ADAMTS17: variants seen among roughly 807,000 people sequenced by gnomAD.
The protein encoded by ADAMTS17 is ADAM metallopeptidase with thrombospondin type 1 motif 17.
Under a neutral mutation model 141.5 loss-of-function variants are expected in ADAMTS17, and 113 were observed. The observed-to-expected ratio is 0.80, with a 90% CI of 0.69 to 0.93. The LOEUF (loss-of-function observed/expected upper bound fraction) is 0.93, where lower values mean the gene tolerates loss of function less well. ADAMTS17 is among the 40% of genes least tolerant of loss of function. The pLI, the probability that ADAMTS17 is intolerant of heterozygous loss-of-function variation, is 0.00. For synonymous variants in ADAMTS17, 768 were observed against 630.6 expected, an observed-to-expected ratio of 1.22 and a Z score of -3.27; for missense variants, 1,659 against 1,517.9, an observed-to-expected ratio of 1.09 and a Z score of -1.54.
At chr15:100,299,513 G>GAA (rs879384077) in intron 3 of ADAMTS17, among the ~76,000 whole-genome samples, 2 of 87,604 alleles carry the variant, frequency 2.3e-5, no homozygotes, top group Non-Finnish European at 4.5e-5. Context: ...TGATGGAAAA[G>GAA]AAAAAAAAAA....
At chr15:100,116,769 C>T in intron 13 of ADAMTS17, 78 bp downstream of exon 13, 7 of 1,599,254 alleles carry the variant, frequency 4.4e-6, no homozygotes, top group Non-Finnish European at 6.0e-6. Flanking sequence ...GGGATGCCCC[C>T]CGGCTTCCCT....
At chr15:100,115,675 A>G (rs1366783972) in intron 13 of ADAMTS17, among the ~76,000 whole-genome samples, 1 of 152,204 alleles carries the variant, frequency 6.6e-6, no homozygotes, top group Non-Finnish European at 1.5e-5. Context: ...GCGACAGCAG[A>G]AGGCCAAATG....
intron 9 of ADAMTS17, 110 bp downstream of exon 9, chr15:100,155,070 T>TC: frequency 6.5e-7 from 1 of 1,548,778 alleles, no homozygotes; most frequent in Non-Finnish European, 8.9e-7. Context: ...TAGATGCAAA[T>TC]CCCAAAAGAG....
At chr15:100,106,449 G>C (rs550341307) in intron 14 of ADAMTS17, among the ~76,000 whole-genome samples, 2 of 152,274 alleles carry the variant, frequency 1.3e-5, no homozygotes, top group South Asian at 2.1e-4. Context: ...TTTTCTCTTT[G>C]ATTCTACGAC....
Position 100,116,771 on chromosome 15 carries a change from G to A in ADAMTS17, c.1888+76C>T, listed in dbSNP as rs1199077271. On this transcript the variant is annotated intron_variant, in intron 13 of 21. Coordinates refer to ENST00000268070, the MANE Select transcript of ADAMTS17 (RefSeq NM_139057.4). The stretch of plus-strand genomic sequence containing the variant: ...TTGGTTTGGGAAAGGGATGCCCCCC[G>A]GCTTCCCTAGGTGGTTTTTATATTC... 1.4e-5 allele frequency: 22 copies of A among 1,604,640 alleles called. 1 individual carries two copies. Among genetic ancestry groups the A allele is most frequent in the South Asian group, 1.2e-4 (11 of 90,464 alleles).
At chr15:100,204,487 A>G (rs541949739) in intron 7 of ADAMTS17, among the ~76,000 whole-genome samples, 3 of 152,344 alleles carry the variant, frequency 2.0e-5, no homozygotes, top group African/African-American at 7.2e-5. Flanking sequence ...TGTTCTTGCA[A>G]ACCTAAGTGG....
Position 100,281,375 on chromosome 15 carries a change from G to T in ADAMTS17, c.643C>A (p.Pro215Thr), listed in dbSNP as rs776618280. 14 of 1,612,470 alleles carry T rather than the reference G, an allele frequency of 8.7e-6. No homozygotes were observed. Among genetic ancestry groups the T allele is most frequent in the Admixed American group, 5.0e-5 (3 of 59,996 alleles). ...TEKKKPTWGR[P>T]SRDWRERRNA... is the part of the protein sequence containing the mutation. Reference sequence around the variant, plus strand: ...CTCCGCTCCCGCCAGTCCCGCGAAGGCCTGCCCCACGTCGGCTTCTTCTTT... The same window carrying T: ...CTCCGCTCCCGCCAGTCCCGCGAAGTCCTGCCCCACGTCGGCTTCTTCTTT... The change falls in exon 4 of 22, where the codon CCT becomes ACT. Residue 215 changes from proline (P) to threonine (T), a missense_variant. Transcript: ENST00000268070.
chr15:100,012,591 T>C (rs1001789235), intron 18 of ADAMTS17, among the ~76,000 whole-genome samples: 1 of 152,206 alleles, frequency 6.6e-6, no homozygotes, highest in Non-Finnish European at 1.5e-5. Context: ...CCAGTTTCAT[T>C]CTCCTACATG....
At chr15:100,205,472 G>A (rs2041504917) in intron 7 of ADAMTS17, among the ~76,000 whole-genome samples, 1 of 152,160 alleles carries the variant, frequency 6.6e-6, no homozygotes, top group Non-Finnish European at 1.5e-5. Context: ...TTACCCACCT[G>A]CCAGAGAAGA....
intron 7 of ADAMTS17, among the ~76,000 whole-genome samples, chr15:100,251,842 G>C (rs184219708): frequency 6.6e-6 from 1 of 152,178 alleles, no homozygotes; most frequent in Non-Finnish European, 1.5e-5. Context: ...AGGCAGGTGC[G>C]CACACAGAGG....
chr15:100,239,540 G>A (rs1175111326), intron 7 of ADAMTS17, among the ~76,000 whole-genome samples: 1 of 152,194 alleles, frequency 6.6e-6, no homozygotes, highest in Non-Finnish European at 1.5e-5. Flanking sequence ...CGGGGCAGCA[G>A]CAAGAAGAGG....
chr15:100,336,371 C>T (rs754072720), intron 2 of ADAMTS17, among the ~76,000 whole-genome samples: 1 of 152,172 alleles, frequency 6.6e-6, no homozygotes, highest in Non-Finnish European at 1.5e-5. Context: ...GAGGTGGCAG[C>T]CAGAGGCCTT....
intron 15 of ADAMTS17, among the ~76,000 whole-genome samples, chr15:100,056,994 G>A (rs952675700): frequency 1.1e-4 from 17 of 152,116 alleles, no homozygotes; most frequent in Admixed American, 8.5e-4. Context: ...TCAGCTGAGC[G>A]TGTAAGACAG....
intron 6 of ADAMTS17, among the ~76,000 whole-genome samples, chr15:100,261,180 C>T (rs540501632): frequency 3.0e-4 from 45 of 152,276 alleles, no homozygotes; most frequent in African/African-American, 1.1e-3. Flanking sequence ...GAGCCCAAAT[C>T]CCATGACTGT....
At position 99,987,012 on chromosome 15, in the gene ADAMTS17, AG is replaced by A. The variant is rs1596160809; in HGVS notation, c.2949+6035del. Among the ~76,000 whole-genome samples, 5 of 152,274 alleles carry A rather than the reference AG, an allele frequency of 3.3e-5. No homozygotes were observed. The East Asian group carries it at 9.7e-4, about 29-fold the overall frequency. On this transcript the variant is annotated intron_variant, in intron 20 of 21. Coordinates refer to ENST00000268070, the MANE Select transcript of ADAMTS17 (RefSeq NM_139057.4). ...TTGGCTGCTGGCCAAGGTCAGGATGAGGGCTAGGGGCAGGGAGAGAGGGGCT... is the reference window on the plus strand; with the variant it reads ...TTGGCTGCTGGCCAAGGTCAGGATGAGGCTAGGGGCAGGGAGAGAGGGGCT...
intron 4 of ADAMTS17, among the ~76,000 whole-genome samples, chr15:100,268,251 T>C (rs2043789209): frequency 6.6e-6 from 1 of 152,206 alleles, no homozygotes; most frequent in Non-Finnish European, 1.5e-5. Flanking sequence ...AACGGTGCTG[T>C]AATGAACATA....
intron 7 of ADAMTS17, among the ~76,000 whole-genome samples, chr15:100,217,398 G>C (rs2042001748): frequency 6.6e-6 from 1 of 152,296 alleles, no homozygotes; most frequent in South Asian, 2.1e-4. Flanking sequence ...AGGAGTTCAA[G>C]ACCAGCCTGG....
intron 18 of ADAMTS17, among the ~76,000 whole-genome samples, chr15:100,042,852 A>T (rs1056231598): frequency 1.3e-5 from 2 of 152,192 alleles, no homozygotes; most frequent in African/African-American, 4.8e-5. Flanking sequence ...TCCTTTTAAT[A>T]TTTTTGGGCA....
At chr15:100,064,586 T>A (rs1330660075) in intron 15 of ADAMTS17, among the ~76,000 whole-genome samples, 1 of 152,176 alleles carries the variant, frequency 6.6e-6, no homozygotes, top group African/African-American at 2.4e-5. Flanking sequence ...GAAACTACAG[T>A]ATTGCCTTAA....
Sources: allele counts gnomAD v4.1 joint callset (sites outside exome capture counted in the v4.1 genomes callset), GRCh38; gene constraint gnomAD v4.1.1; transcripts MANE v1.5; gene names NCBI Gene and HGNC (gene_info 2026-07-23, HGNC 2026-07-21).